The following CACNA2D1 variants were observed in gnomAD, a reference collection of about 807,000 sequenced individuals.
The protein encoded by CACNA2D1 is calcium voltage-gated channel auxiliary subunit alpha2delta 1.
In CACNA2D1, 53 loss-of-function variants were observed where a neutral mutation model predicts 171.5. That is an observed-to-expected ratio of 0.31 (90% confidence interval 0.25 to 0.39). The LOEUF (loss-of-function observed/expected upper bound fraction) is 0.39, where lower values mean the gene tolerates loss of function less well. Ranked by LOEUF, CACNA2D1 falls within the 10% of genes least tolerant of loss-of-function variation. The pLI is 1.00. For missense variants in CACNA2D1, 903 were observed against 1,299.8 expected, an observed-to-expected ratio of 0.69 and a Z score of 4.69; for synonymous variants, 442 against 443.1, an observed-to-expected ratio of 1.00 and a Z score of 0.03.
chr7:82,246,547 T>C (rs1257836007), intron 3 of CACNA2D1, among the ~76,000 whole-genome samples: 1 of 152,160 alleles, frequency 6.6e-6, no homozygotes, highest in Non-Finnish European at 1.5e-5. Flanking sequence ...CTGTCTGATC[T>C]GTGAGTGTAT....
intron 24 of CACNA2D1, among the ~76,000 whole-genome samples, chr7:81,977,539 T>C (rs1488501902): frequency 6.6e-6 from 1 of 152,160 alleles, no homozygotes; most frequent in Admixed American, 6.5e-5. Flanking sequence ...GCTAGCCACA[T>C]GCAGAAAACA....
chr7:82,217,010 A>G (rs1193578839), intron 3 of CACNA2D1, among the ~76,000 whole-genome samples: 1 of 151,974 alleles, frequency 6.6e-6, no homozygotes, highest in Non-Finnish European at 1.5e-5. Flanking sequence ...AAACCAGTGG[A>G]GAATTAATGT....
intron 1 of CACNA2D1, among the ~76,000 whole-genome samples, chr7:82,383,226 T>C (rs1043054637): frequency 7.9e-5 from 12 of 152,206 alleles, no homozygotes; most frequent in Non-Finnish European, 1.8e-4. Context: ...GTTTCTTTTA[T>C]TGAGATTTTT....
At chr7:82,343,705 T>C (rs1309951557) in intron 2 of CACNA2D1, among the ~76,000 whole-genome samples, 1 of 152,204 alleles carries the variant, frequency 6.6e-6, no homozygotes, top group Non-Finnish European at 1.5e-5. Context: ...TCTTTTTCCA[T>C]ATCTGAAGCT....
intron 1 of CACNA2D1, among the ~76,000 whole-genome samples, chr7:82,418,656 T>C (rs1312671594): frequency 6.6e-6 from 1 of 152,154 alleles, no homozygotes; most frequent in Non-Finnish European, 1.5e-5. Flanking sequence ...AATACACCAC[T>C]TTGTGGTGTC....
At chr7:82,397,612 G>T (rs780932969) in intron 1 of CACNA2D1, among the ~76,000 whole-genome samples, 14 of 152,096 alleles carry the variant, frequency 9.2e-5, no homozygotes, top group Non-Finnish European at 1.5e-4. Flanking sequence ...AATGCAATAA[G>T]GATTTTCATG....
At chr7:81,971,695 T>A (rs1283981193) in intron 26 of CACNA2D1, 82 bp downstream of exon 26, 2 of 792,750 alleles carry the variant, frequency 2.5e-6, no homozygotes, top group East Asian at 2.6e-5. Flanking sequence ...TGTAAATTTA[T>A]GAGATTCATA....
intron 21 of CACNA2D1, among the ~76,000 whole-genome samples, chr7:81,990,685 G>A (rs1253176607): frequency 6.6e-6 from 1 of 152,148 alleles, no homozygotes; most frequent in African/African-American, 2.4e-5. Flanking sequence ...TTGAAGAATG[G>A]AGAATTACCA....
chr7:82,233,436 C>T (rs1425982653), intron 3 of CACNA2D1, among the ~76,000 whole-genome samples: 2 of 152,116 alleles, frequency 1.3e-5, no homozygotes, highest in Non-Finnish European at 2.9e-5. Flanking sequence ...ATGCTTTTAA[C>T]ACCAGAGATT....
At chr7:82,127,548 G>T (rs186092136) in intron 5 of CACNA2D1, among the ~76,000 whole-genome samples, 1 of 152,108 alleles carries the variant, frequency 6.6e-6, no homozygotes, top group Admixed American at 6.5e-5. Context: ...TAGTAGAGAA[G>T]ATCAAACCCT....
chr7:82,265,456 G>A (rs879886546), intron 3 of CACNA2D1, among the ~76,000 whole-genome samples: 1 of 14,328 alleles, frequency 7.0e-5, no homozygotes, highest in Admixed American at 7.3e-4. Context: ...TATAATTTTT[G>A]TCCTTCTATT....
chr7:82,257,233 C>T (rs1806407717), intron 3 of CACNA2D1, among the ~76,000 whole-genome samples: 1 of 152,182 alleles, frequency 6.6e-6, no homozygotes, highest in South Asian at 2.1e-4. Flanking sequence ...TAAGGCATTT[C>T]AGCTGAGCAA....
intron 3 of CACNA2D1, among the ~76,000 whole-genome samples, chr7:82,268,776 AG>A (rs1808247863): frequency 1.3e-5 from 2 of 151,892 alleles, no homozygotes; most frequent in Non-Finnish European, 2.9e-5. Context: ...TACAATGACA[AG>A]AAGCCTTTCC....
intron 3 of CACNA2D1, among the ~76,000 whole-genome samples, chr7:82,225,107 C>T (rs1802217593): frequency 6.6e-6 from 1 of 151,962 alleles, no homozygotes; most frequent in Admixed American, 6.6e-5. Context: ...AGAAAATAAA[C>T]TAAAATGACA....
chr7:82,265,669 C>T (rs1239778510), intron 3 of CACNA2D1, among the ~76,000 whole-genome samples: 1 of 151,986 alleles, frequency 6.6e-6, no homozygotes, highest in African/African-American at 2.4e-5. Flanking sequence ...GGACTTTATA[C>T]AGAAGTATTA....
intron 10 of CACNA2D1, among the ~76,000 whole-genome samples, chr7:82,051,439 G>A (rs1222431622): frequency 9.9e-5 from 15 of 151,884 alleles, no homozygotes; most frequent in East Asian, 1.9e-4. Flanking sequence ...ACAAGCAAGA[G>A]CAAAGATATA....
At chr7:82,092,136 C>T (rs1027139472) in intron 6 of CACNA2D1, among the ~76,000 whole-genome samples, 1 of 152,278 alleles carries the variant, frequency 6.6e-6, no homozygotes, top group African/African-American at 2.4e-5. Context: ...AAACACATTT[C>T]TTTTACATAG....
intron 3 of CACNA2D1, among the ~76,000 whole-genome samples, chr7:82,213,274 G>A (rs1198920297): frequency 1.3e-5 from 2 of 152,150 alleles, no homozygotes; most frequent in Non-Finnish European, 2.9e-5. Flanking sequence ...TAAACTGCAA[G>A]TAAGTCTTTA....
intron 4 of CACNA2D1, among the ~76,000 whole-genome samples, chr7:82,148,902 G>T (rs1793462803): frequency 1.3e-5 from 2 of 152,198 alleles, no homozygotes; most frequent in African/African-American, 4.8e-5. Flanking sequence ...CTCCCAAAAT[G>T]TTGGGATTAC....
Sources: gnomAD v4.1 joint callset for allele counts (sites outside exome capture counted in the v4.1 genomes callset) on GRCh38, gnomAD v4.1.1 for gene constraint, MANE v1.5 for transcripts, NCBI Gene and HGNC (gene_info 2026-07-23, HGNC 2026-07-21) for gene names.